Variants in CNTN1 observed in about 807,000 individuals in gnomAD.
CNTN1 encodes the protein contactin 1, also known as contactin-1.
CNTN1 carries 38 observed loss-of-function variants against 126.4 expected under a neutral mutation model. The ratio of observed to expected loss-of-function variants is 0.30; its 90% CI spans 0.23 to 0.39. The LOEUF (loss-of-function observed/expected upper bound fraction) is 0.39. CNTN1 is among the 10% of genes least tolerant of loss of function. The probability of loss-of-function intolerance (pLI) is 1.00; values close to 1 mark genes in which losing one functional copy is unlikely to be tolerated. For synonymous variants in CNTN1, 413 were observed against 422.6 expected (o/e 0.98, Z 0.28); for missense variants, 1,009 against 1,248.4 (o/e 0.81, Z 2.89).
intron 23 of CNTN1, among the ~76,000 whole-genome samples, chr12:41,066,790 T>C (rs778863734): frequency 6.6e-6 from 1 of 152,142 alleles, no homozygotes; most frequent in Non-Finnish European, 1.5e-5. Context: ...AGCATCACTC[T>C]CCATATAGCG....
At chr12:41,020,505 T>G in intron 20 of CNTN1, 65 bp downstream of exon 20, 1 of 1,019,136 alleles carries the variant, frequency 9.8e-7, no homozygotes, top group South Asian at 1.4e-5. Context: ...CGTTTTCAAA[T>G]GTGTTGTATG....
intron 1 of CNTN1, among the ~76,000 whole-genome samples, chr12:40,727,148 A>T (rs1942378262): frequency 6.6e-6 from 1 of 151,298 alleles, no homozygotes; most frequent in Non-Finnish European, 1.5e-5. Context: ...AATAAATGTG[A>T]TGATTACACT....
intron 23 of CNTN1, among the ~76,000 whole-genome samples, chr12:41,049,534 TCTG>T (rs769577095): frequency 2.6e-5 from 4 of 152,250 alleles, no homozygotes; most frequent in Non-Finnish European, 5.9e-5. Context: ...AACATCCACC[TCTG>T]CTGCTACCAT....
intron 1 of CNTN1, among the ~76,000 whole-genome samples, chr12:40,851,856 G>C (rs1417210775): frequency 1.3e-5 from 2 of 152,278 alleles, no homozygotes; most frequent in East Asian, 3.9e-4. Context: ...GGTTTATTCT[G>C]TGCAAGTATA....
intron 1 of CNTN1, among the ~76,000 whole-genome samples, chr12:40,822,365 G>A (rs1941476822): frequency 6.6e-6 from 1 of 151,644 alleles, no homozygotes; most frequent in Non-Finnish European, 1.5e-5. Flanking sequence ...ATGTTGGCCA[G>A]GCTGGTCTCA....
rs186841359 is a variant in CNTN1 at position 41,037,413 on chromosome 12, G to T, written c.2980+8194G>T. Among the ~76,000 whole-genome samples the T allele has an allele frequency of 1.5e-3, 226 of 151,938 alleles. 1 individual carries two copies. The highest frequency in any genetic ancestry group is 5.2e-3 in the African/African-American group (216 of 41,418). Reference sequence around the variant, plus strand: ...TATATATATACAAATACTTGCCATTGTATTACAATTGGCTACAGTATTCAG... The same window carrying T: ...TATATATATACAAATACTTGCCATTTTATTACAATTGGCTACAGTATTCAG... On this transcript the variant is annotated intron_variant, in intron 23 of 23. Coordinates refer to ENST00000551295, the MANE Select transcript of CNTN1 (RefSeq NM_001843.4).
In CNTN1 at chr12:41,070,032, C is replaced by G. The variant is rs754501613; in HGVS notation, c.3054C>G (p.Phe1018Leu). The change falls in exon 24 of 24, where the codon TTC becomes TTG. Residue 1018 changes from phenylalanine to leucine, a missense_variant. Phe to Leu is a conservative substitution (Grantham distance 22). Transcript: ENST00000551295. ...PAFGILVYLE[F>L] ...TTGGCATCCTTGTCTACTTGGAATT[C>G]TGAATGTGTTGTGACAGCTGCTGTT... 1.2e-6 allele frequency: 2 copies of G among 1,613,870 alleles called. No individual in the cohort carries two copies. Among genetic ancestry groups the G allele is most frequent in the Admixed American group, 3.3e-5 (2 of 60,026 alleles).
intron 4 of CNTN1, among the ~76,000 whole-genome samples, chr12:40,921,444 T>A (rs1485336784): frequency 6.6e-6 from 1 of 152,230 alleles, no homozygotes; most frequent in Non-Finnish European, 1.5e-5. Context: ...ATTTTCTACA[T>A]GCATTCTTTT....
intron 1 of CNTN1, among the ~76,000 whole-genome samples, chr12:40,905,426 C>T (rs1944774319): frequency 6.6e-6 from 1 of 152,168 alleles, no homozygotes; most frequent in Non-Finnish European, 1.5e-5. Flanking sequence ...TTCTTTTTCT[C>T]TCTGGTCAGT....
At chr12:41,046,847 C>CTTTTTTTTTTTTTT (rs56655599) in intron 23 of CNTN1, among the ~76,000 whole-genome samples, 13 of 118,988 alleles carry the variant, frequency 1.1e-4, no homozygotes, top group East Asian at 2.7e-4. Flanking sequence ...TTGCTTATTT[C>CTTTTTTTTTTTTTT]TTTTTTTTTT....
At chr12:40,967,629 A>G (rs1019767840) in intron 15 of CNTN1, among the ~76,000 whole-genome samples, 1 of 152,184 alleles carries the variant, frequency 6.6e-6, no homozygotes, top group Admixed American at 6.6e-5. Context: ...ATAGTGATTC[A>G]TACATCCATG....
intron 1 of CNTN1, among the ~76,000 whole-genome samples, chr12:40,848,152 T>C (rs919593508): frequency 6.6e-6 from 1 of 152,178 alleles, no homozygotes; most frequent in African/African-American, 2.4e-5. Flanking sequence ...ACAAATATTT[T>C]TTCTAGGAAT....
intron 17 of CNTN1, among the ~76,000 whole-genome samples, chr12:40,998,588 A>G (rs1315876998): frequency 6.6e-6 from 1 of 152,178 alleles, no homozygotes; most frequent in African/African-American, 2.4e-5. Flanking sequence ...GCAAGCGCTC[A>G]GAAGAGTTGC....
At chr12:40,773,674 CACATATATATATATATAT>C (rs1939451444) in intron 1 of CNTN1, among the ~76,000 whole-genome samples, 7 of 9,776 alleles carry the variant, frequency 7.2e-4, no homozygotes, top group African/African-American at 1.5e-3. Context: ...TATATATATA[CACATATATATATATATAT>C]ACACATATAT....
At chr12:41,053,468 T>TATATATATATATATATATATATATATA (rs60201950) in intron 23 of CNTN1, among the ~76,000 whole-genome samples, 2 of 130,870 alleles carry the variant, frequency 1.5e-5, no homozygotes, top group Non-Finnish European at 3.2e-5. Context: ...TATATATATA[T>TATATATATATATATATATATATATATA]TTGCCAATAA....
intron 1 of CNTN1, among the ~76,000 whole-genome samples, chr12:40,749,753 C>T (rs1409924227): frequency 1.0e-5 from 1 of 96,634 alleles, no homozygotes; most frequent in Admixed American, 1.0e-4. Context: ...ACCAAAATCA[C>T]AGAGTTTACA....
intron 1 of CNTN1, among the ~76,000 whole-genome samples, chr12:40,790,922 C>A (rs572856909): frequency 1.6e-4 from 25 of 152,222 alleles, no homozygotes; most frequent in African/African-American, 5.8e-4. Context: ...GGCTTTTATT[C>A]TCAGTTAGCC....
Position 40,929,995 on chromosome 12 carries a change from A to T in CNTN1, c.696A>T (p.Ile232=). The part of the protein sequence containing the change: ...VFSKFIPLIP[I]PERTTKPYPA... ...GCAAATTCATCCCACTCATTCCAAT[A>T]CCTGAACGTAAGTATTTTATTTGTT... The change falls in exon 7 of 24, where the codon ATA becomes ATT. Residue 232 remains isoleucine, a synonymous_variant. Transcript: ENST00000551295. The T allele has an allele frequency of 6.2e-7, 1 of 1,606,120 alleles. No individual in the cohort carries two copies. Among genetic ancestry groups the T allele is most frequent in the Non-Finnish European group, 8.5e-7 (1 of 1,173,104 alleles).
chr12:40,991,429 C>G (rs1349826629), intron 16 of CNTN1, among the ~76,000 whole-genome samples: 1 of 151,448 alleles, frequency 6.6e-6, no homozygotes, highest in Non-Finnish European at 1.5e-5. Context: ...TTTACAGGTT[C>G]TGGTAATTTG....
Sources: allele counts gnomAD v4.1 joint callset (sites outside exome capture counted in the v4.1 genomes callset), GRCh38; gene constraint gnomAD v4.1.1; transcripts MANE v1.5; gene names NCBI Gene and HGNC (gene_info 2026-07-23, HGNC 2026-07-21).